The following ABLIM2 variants were observed in gnomAD, a reference collection of about 807,000 sequenced individuals.
The protein encoded by ABLIM2 is actin-binding LIM protein 2.
ABLIM2 carries 53 observed loss-of-function variants against 97.7 expected under a neutral mutation model. The ratio of observed to expected loss-of-function variants is 0.54; its 90% CI spans 0.44 to 0.68. The LOEUF (loss-of-function observed/expected upper bound fraction) is 0.68, where lower values mean the gene tolerates loss of function less well. Ranked by LOEUF, ABLIM2 falls within the 30% of genes least tolerant of loss-of-function variation. ABLIM2 has a pLI of 0.00. For synonymous variants in ABLIM2, 361 were observed against 345.8 expected, an observed-to-expected ratio of 1.04 and a Z score of -0.49; for missense variants, 835 against 867.2, an observed-to-expected ratio of 0.96 and a Z score of 0.47.
chr4:8,139,957 A>T (rs1038690041), intron 1 of ABLIM2, among the ~76,000 whole-genome samples: 4 of 152,174 alleles, frequency 2.6e-5, no homozygotes, highest in Non-Finnish European at 5.9e-5. Context: ...TTGCAAGGAC[A>T]TGGATAGAAC....
intron 17 of ABLIM2, among the ~76,000 whole-genome samples, chr4:7,991,436 C>T (rs1748636761): frequency 6.6e-6 from 1 of 152,248 alleles, no homozygotes; most frequent in African/African-American, 2.4e-5. Flanking sequence ...AGCCCCAGGG[C>T]TGTCAGAGAA....
At chr4:7,981,859 G>A (rs1360703289) in intron 20 of ABLIM2, among the ~76,000 whole-genome samples, 1 of 152,208 alleles carries the variant, frequency 6.6e-6, no homozygotes, top group African/African-American at 2.4e-5. Flanking sequence ...CTAGTGCAGG[G>A]CAGTGGGTGC....
Position 8,077,654 on chromosome 4 carries a change from T to C in ABLIM2, c.649A>G (p.Lys217Glu). 1.2e-6 allele frequency: 2 copies of C among 1,612,686 alleles called. No homozygotes were observed. Among genetic ancestry groups the C allele is most frequent in the Non-Finnish European group, 1.7e-6 (2 of 1,179,364 alleles). Residue 217 changes from lysine (K) to glutamate (E), a missense_variant, in exon 6 of 21, where the codon AAA becomes GAA. Lys to Glu is a moderately conservative substitution (Grantham distance 56, BLOSUM62 1). Transcript: ENST00000447017. ...KFGIRCDSCE[K>E]YITGRVLEAG... ...TCCAGCACGCGCCCCGTGATGTATT[T>C]CTCACAGCTGTCACAGCGGATGCCG... is the stretch of plus-strand genomic sequence containing the variant.
At chr4:8,091,093 C>A (rs1368584993) in intron 3 of ABLIM2, among the ~76,000 whole-genome samples, 1 of 150,316 alleles carries the variant, frequency 6.7e-6, no homozygotes, top group Non-Finnish European at 1.5e-5. Flanking sequence ...TTCACAACGG[C>A]ACTGGAGGGA....
intron 1 of ABLIM2, among the ~76,000 whole-genome samples, chr4:8,158,043 A>T (rs1715959758): frequency 6.6e-6 from 1 of 152,232 alleles, no homozygotes; most frequent in Non-Finnish European, 1.5e-5. Context: ...CCAGCCCCGC[A>T]CAGAGGCTGT....
chr4:8,087,537 T>A lies in ABLIM2; in HGVS notation c.454+632A>T, dbSNP rs1043002023. Among the ~76,000 whole-genome samples, 6 of 152,094 alleles carry A rather than the reference T, an allele frequency of 3.9e-5. No homozygotes were observed. The highest frequency in any genetic ancestry group is 5.9e-5 in the Non-Finnish European group (4 of 68,004). Reference sequence around the variant, plus strand: ...CGGAGCTCAGTGTTCCTCTACAGGTTCCCCCAAAGGGGTCCCGGGTGGCCT... The same window carrying A: ...CGGAGCTCAGTGTTCCTCTACAGGTACCCCCAAAGGGGTCCCGGGTGGCCT... On this transcript the variant is annotated intron_variant, in intron 4 of 20. Transcript: ENST00000447017. The surrounding 1 kb of genome is among the most constrained non-coding windows in gnomAD (Gnocchi z 4.6).
In ABLIM2 at chr4:8,071,649, C is replaced by G. The variant is rs1020535083; in HGVS notation, c.675+5979G>C. On this transcript the variant is annotated intron_variant, in intron 6 of 20. Transcript: ENST00000447017. The surrounding 1 kb of genome is among the most constrained non-coding windows in gnomAD (Gnocchi z 6.2). ...AGGGGGCAAAACGGGGGTGGGGGAA[C>G]AGGTGGCTCCGAGGTCTCACACCTG... is the stretch of plus-strand genomic sequence containing the variant. 1.3e-5 allele frequency: 12 copies of G among 948,720 alleles called. No homozygotes were observed. Among genetic ancestry groups the G allele is most frequent in the Non-Finnish European group, 1.5e-5 (12 of 796,498 alleles). The allele number at this position is 948,720 out of a possible 1,614,324, so 58.8% of individuals were successfully genotyped here. A position where few individuals can be genotyped will look rare whatever the true frequency, so the allele number is the denominator to read the frequency against.
In ABLIM2 at chr4:8,043,615, C is replaced by G. The variant is rs1046166322; in HGVS notation, c.900+1549G>C. On this transcript the variant is annotated intron_variant, in intron 9 of 20. Coordinates refer to ENST00000447017, the MANE Select transcript of ABLIM2 (RefSeq NM_001130083.2). This position sits in a 1 kb window ranked among gnomAD's most constrained non-coding sequence, Gnocchi z 4.8. ...TGCACACAGATGACCCGTGATGATG[C>G]AAGGAGAGGACGGCCGCCTGCGGGC... 1.3e-5 allele frequency among the ~76,000 whole-genome samples: 2 copies of G among 152,134 alleles called. No individual in the cohort carries two copies. The highest frequency in any genetic ancestry group is 1.9e-4 in the East Asian group (1 of 5,168).
Position 7,986,055 on chromosome 4 carries a change from G to A in ABLIM2, c.1681-1162C>T, listed in dbSNP as rs1473887235. ...CCCGCGGTGGACGGAGCCTGTTGAA[G>A]AAAATGTCTTATTCACGCTTCGTTC... On this transcript the variant is annotated intron_variant, in intron 17 of 20. Coordinates refer to ENST00000447017, the MANE Select transcript of ABLIM2 (RefSeq NM_001130083.2). The surrounding 1 kb of genome is among the most constrained non-coding windows in gnomAD (Gnocchi z 4.3). Among the ~76,000 whole-genome samples the A allele has an allele frequency of 6.6e-6, 1 of 152,188 alleles. No homozygotes were observed. The highest frequency in any genetic ancestry group is 2.4e-5 in the African/African-American group (1 of 41,454).
At chr4:7,983,050 A>T (rs977298047) in intron 20 of ABLIM2, among the ~76,000 whole-genome samples, 1 of 152,190 alleles carries the variant, frequency 6.6e-6, no homozygotes, top group Non-Finnish European at 1.5e-5. Flanking sequence ...TCCACAAACC[A>T]GGGTGGTCTT....
intron 20 of ABLIM2, among the ~76,000 whole-genome samples, chr4:7,973,556 G>A (rs985772454): frequency 6.6e-6 from 1 of 152,080 alleles, no homozygotes; most frequent in African/African-American, 2.4e-5. Context: ...CCTGAGCCGG[G>A]AAAGGTGAGG....
At chr4:8,098,919 A>G (rs935685891) in intron 2 of ABLIM2, among the ~76,000 whole-genome samples, 2 of 152,222 alleles carry the variant, frequency 1.3e-5, no homozygotes, top group Non-Finnish European at 2.9e-5. Flanking sequence ...CAAGGTAAAA[A>G]TGAAAACTCA....
chr4:8,145,158 C>T (rs1851585467), intron 1 of ABLIM2, among the ~76,000 whole-genome samples: 1 of 151,692 alleles, frequency 6.6e-6, no homozygotes, highest in Non-Finnish European at 1.5e-5. Flanking sequence ...CCCAGTGTTG[C>T]TAGGTGCTCT....
chr4:8,071,477 G>A lies in ABLIM2; in HGVS notation c.675+6151C>T, dbSNP rs1010407603. On this transcript the variant is annotated intron_variant, in intron 6 of 20. Transcript: ENST00000447017. This position sits in a 1 kb window ranked among gnomAD's most constrained non-coding sequence, Gnocchi z 6.2. ...CCAAATGCACATTTCGCGGGCAGGC[G>A]GGCACTGCGGGCGCCAGCACTTAGG... Among the ~76,000 whole-genome samples, 9 of 152,196 alleles carry A rather than the reference G, an allele frequency of 5.9e-5. No homozygotes were observed. Among genetic ancestry groups the A allele is most frequent in the Non-Finnish European group, 1.2e-4 (8 of 68,038 alleles).
intron 6 of ABLIM2, among the ~76,000 whole-genome samples, chr4:8,070,827 G>A (rs1811471370): frequency 1.3e-5 from 2 of 152,152 alleles, no homozygotes; most frequent in East Asian, 1.9e-4. Flanking sequence ...GTAAAGGGAG[G>A]AGGAATTGAT....
rs1312258024 is a variant in ABLIM2, at chr4:8,125,103, A to G, written c.11-18466T>C. On this transcript the variant is annotated intron_variant, in intron 1 of 20. Coordinates refer to ENST00000447017, the MANE Select transcript of ABLIM2 (RefSeq NM_001130083.2). The surrounding 1 kb of genome is among the most constrained non-coding windows in gnomAD (Gnocchi z 6.2). Reference sequence around the variant, plus strand: ...GGATTGAGGGATGAGAGTTATTCGTATATTCGAGATACAAGTCCCGTGTCA... The same window carrying G: ...GGATTGAGGGATGAGAGTTATTCGTGTATTCGAGATACAAGTCCCGTGTCA... 6.6e-6 allele frequency among the ~76,000 whole-genome samples: 1 copy of G among 152,138 alleles called. No homozygotes were observed. Among genetic ancestry groups the G allele is most frequent in the East Asian group, 1.9e-4 (1 of 5,186 alleles).
chr4:7,983,636 G>A lies in ABLIM2; in HGVS notation c.1736-82C>T, dbSNP rs1203766480. ...CCAAGGTGAGTGCAATCCCTGCCCT[G>A]GGGTACCCCTGTCTCCCCCCTGCAG... is the stretch of plus-strand genomic sequence containing the variant. On this transcript the variant is annotated intron_variant, in intron 18 of 20. Coordinates refer to ENST00000447017, the MANE Select transcript of ABLIM2 (RefSeq NM_001130083.2). 1.9e-6 allele frequency: 3 copies of A among 1,543,260 alleles called. No individual in the cohort carries two copies. The African/African-American group carries it at 4.1e-5, about 21-fold the overall frequency.
intron 8 of ABLIM2, among the ~76,000 whole-genome samples, chr4:8,053,947 T>A (rs1328430288): frequency 6.6e-6 from 1 of 152,176 alleles, no homozygotes; most frequent in Admixed American, 6.5e-5. Flanking sequence ...TTACGTAGAT[T>A]ACCTTGCCTG....
intron 20 of ABLIM2, among the ~76,000 whole-genome samples, chr4:7,975,402 G>T (rs377657140): frequency 6.6e-6 from 1 of 152,166 alleles, no homozygotes; most frequent in Admixed American, 6.5e-5. Flanking sequence ...CTCCCAGAGT[G>T]GAAGAGGATG....
Sources: allele counts gnomAD v4.1 joint callset (sites outside exome capture counted in the v4.1 genomes callset), GRCh38; gene constraint gnomAD v4.1.1; non-coding constraint Gnocchi (gnomAD v3.1); transcripts MANE v1.5; gene names NCBI Gene and HGNC (gene_info 2026-07-23, HGNC 2026-07-21).